The following NFATC3 variants were observed in gnomAD, a reference collection of about 807,000 sequenced individuals.
NFATC3 encodes nuclear factor of activated T-cells, cytoplasmic 3.
In NFATC3, 46 loss-of-function variants were observed where a neutral mutation model predicts 98.6. The observed-to-expected ratio is 0.47, with a 90% CI of 0.37 to 0.60. The LOEUF is 0.60. Among genes scored for constraint, NFATC3 ranks in the 20% least tolerant of loss-of-function variants. The pLI is 0.00. For synonymous variants in NFATC3, 512 were observed against 472.2 expected (o/e 1.08, Z -1.09); for missense variants, 1,256 against 1,295.5 (o/e 0.97, Z 0.47).
At chr16:68,175,759 C>G (rs1246434996) in intron 6 of NFATC3, among the ~76,000 whole-genome samples, 2 of 151,948 alleles carry the variant, frequency 1.3e-5, no homozygotes, top group Non-Finnish European at 2.9e-5. Context: ...GGGATTTTGC[C>G]ACCTTGGCTA....
intron 1 of NFATC3, among the ~76,000 whole-genome samples, chr16:68,100,585 AAAAC>A (rs1039070000): frequency 3.9e-5 from 6 of 151,944 alleles, no homozygotes; most frequent in South Asian, 2.1e-4. Flanking sequence ...AAAACAAAAC[AAAAC>A]AAACAAAAAA....
chr16:68,108,251 G>C (rs1009400022), intron 1 of NFATC3, among the ~76,000 whole-genome samples: 1 of 152,100 alleles, frequency 6.6e-6, no homozygotes, highest in African/African-American at 2.4e-5. Flanking sequence ...GTTAATTTTT[G>C]TATAAGGTGT....
chr16:68,211,438 G>A (rs1271137088), intron 9 of NFATC3, among the ~76,000 whole-genome samples: 1 of 150,820 alleles, frequency 6.6e-6, no homozygotes, highest in Non-Finnish European at 1.5e-5. Flanking sequence ...CTCCCGCCTC[G>A]GCCTCCCAAA....
chr16:68,134,581 A>G (rs1016042780), intron 3 of NFATC3, among the ~76,000 whole-genome samples: 1 of 152,064 alleles, frequency 6.6e-6, no homozygotes, highest in African/African-American at 2.4e-5. Context: ...TGTATTGACT[A>G]GGATTTCTGA....
intron 9 of NFATC3, among the ~76,000 whole-genome samples, chr16:68,212,973 G>A (rs943872537): frequency 5.0e-5 from 3 of 60,456 alleles, no homozygotes; most frequent in Admixed American, 1.8e-4. Context: ...TTTTTTTTTT[G>A]TATTTTTAGT....
intron 9 of NFATC3, among the ~76,000 whole-genome samples, chr16:68,207,873 A>G (rs1171341081): frequency 6.6e-6 from 1 of 152,022 alleles, no homozygotes; most frequent in Non-Finnish European, 1.5e-5. Context: ...TTGCCAACAC[A>G]TGTTATTTTC....
chr16:68,205,254 G>A (rs1029397036), intron 9 of NFATC3, among the ~76,000 whole-genome samples: 5 of 151,964 alleles, frequency 3.3e-5, no homozygotes, highest in Non-Finnish European at 7.4e-5. Flanking sequence ...TTATTTCTTT[G>A]GTGGGGGAAC....
At chr16:68,171,164 C>T (rs1184768190) in intron 5 of NFATC3, among the ~76,000 whole-genome samples, 1 of 152,044 alleles carries the variant, frequency 6.6e-6, no homozygotes, top group African/African-American at 2.4e-5. Context: ...CCTACCACCA[C>T]GCCTGGCTAA....
intron 5 of NFATC3, 97 bp from the exon 6 acceptor site, chr16:68,174,277 T>G: frequency 9.5e-7 from 1 of 1,052,278 alleles, no homozygotes. Context: ...TTGCTTCTCT[T>G]TATTTTCTTT....
Position 68,190,924 on chromosome 16 carries a change from C to T in NFATC3, c.2255C>T (p.Pro752Leu), listed in dbSNP as rs2040403222. ...SGQRSLICSI[P>L]QTYASMVTSS... is the part of the protein sequence containing the mutation. ...CAGAGAAGTTTGATTTGCTCCATCC[C>T]ACAAACATATGCATCCATGGTGACC... Residue 752 changes from proline to leucine, a missense_variant, in exon 9 of 10, where the codon CCA becomes CTA. Physicochemically the swap from Pro to Leu is moderately conservative, Grantham distance 98 (BLOSUM62 -3). Transcript: ENST00000346183. 6.2e-7 allele frequency: 1 copy of T among 1,614,076 alleles called. No individual in the cohort carries two copies. Among genetic ancestry groups the T allele is most frequent in the African/African-American group, 1.3e-5 (1 of 74,914 alleles).
chr16:68,100,370 C>T (rs907704450), intron 1 of NFATC3, among the ~76,000 whole-genome samples: 1 of 152,030 alleles, frequency 6.6e-6, no homozygotes, highest in Non-Finnish European at 1.5e-5. Context: ...GCCAGGGGTT[C>T]AAGACCAGCC....
intron 9 of NFATC3, among the ~76,000 whole-genome samples, chr16:68,204,588 T>G (rs2041063110): frequency 6.6e-6 from 1 of 152,214 alleles, no homozygotes; most frequent in Non-Finnish European, 1.5e-5. Context: ...GAATCCAGAT[T>G]TGTCTGAAAT....
At chr16:68,222,736 G>A (rs9931987) in intron 9 of NFATC3, among the ~76,000 whole-genome samples, 26,269 of 152,098 alleles carry the variant, frequency 0.17, 2,688 homozygotes, top group African/African-American at 0.28. Context: ...TCAGGAATGG[G>A]TGTTTCCTCA....
At chr16:68,106,279 TTTTTTCTTTTC>T (rs1159754753) in intron 1 of NFATC3, among the ~76,000 whole-genome samples, 4 of 151,962 alleles carry the variant, frequency 2.6e-5, no homozygotes, top group Non-Finnish European at 5.9e-5. Context: ...TAGTGTTTTC[TTTTTTCTTTTC>T]TTTTTCTTTT....
At chr16:68,152,129 A>G (rs1460601685) in intron 3 of NFATC3, among the ~76,000 whole-genome samples, 1 of 150,816 alleles carries the variant, frequency 6.6e-6, no homozygotes, top group Non-Finnish European at 1.5e-5. Flanking sequence ...TTGAGAGGCC[A>G]AGGTGGACGG....
At chr16:68,176,943 A>T (rs976021428) in intron 6 of NFATC3, among the ~76,000 whole-genome samples, 1 of 144,696 alleles carries the variant, frequency 6.9e-6, no homozygotes, top group Non-Finnish European at 1.5e-5. Context: ...CTTGTGATAT[A>T]TTTCTATTTG....
At chr16:68,110,732 T>C (rs2035903645) in intron 1 of NFATC3, among the ~76,000 whole-genome samples, 1 of 152,148 alleles carries the variant, frequency 6.6e-6, no homozygotes, top group Admixed American at 6.5e-5. Context: ...CTCTAGTCTT[T>C]TAGTTGTGAT....
chr16:68,223,888 C>T (rs1436256375), intron 9 of NFATC3, among the ~76,000 whole-genome samples: 1 of 142,932 alleles, frequency 7.0e-6, no homozygotes, highest in Non-Finnish European at 1.5e-5. Context: ...GAGCAAGACT[C>T]CATCTCAAAA....
intron 5 of NFATC3, among the ~76,000 whole-genome samples, chr16:68,168,151 T>C (rs1042204717): frequency 4.0e-5 from 6 of 151,026 alleles, no homozygotes; most frequent in African/African-American, 1.2e-4. Context: ...GTATTCTTTT[T>C]TTCAGGTGAG....
Sources: gnomAD v4.1 joint callset for allele counts (sites outside exome capture counted in the v4.1 genomes callset) on GRCh38, gnomAD v4.1.1 for gene constraint, MANE v1.5 for transcripts, NCBI Gene and HGNC (gene_info 2026-07-23, HGNC 2026-07-21) for gene names.